CR1: variants seen among roughly 807,000 people sequenced by gnomAD.
CR1 encodes the protein complement receptor type 1.
CR1 carries 116 observed loss-of-function variants against 187.3 expected under a neutral mutation model. The observed-to-expected ratio is 0.62, with a 90% confidence interval of 0.53 to 0.72. CR1 has a LOEUF of 0.72. CR1 is among the 30% of genes least tolerant of loss of function. The pLI is 0.00. For synonymous variants in CR1, 576 were observed against 747.1 expected (o/e 0.77, Z 3.73); for missense variants, 1,731 against 2,110.7 (o/e 0.82, Z 3.52).
chr1:207,609,741 A>T, intron 37 of CR1, 53 bp downstream of exon 37: 1 of 1,477,082 alleles, frequency 6.8e-7, no homozygotes. Context: ...TATAGATGAT[A>T]GGAGTTGTTG....
chr1:207,515,159 ATACATATATAGG>A (rs1558220711), intron 4 of CR1, among the ~76,000 whole-genome samples: 1 of 67,404 alleles, frequency 1.5e-5, no homozygotes, highest in African/African-American at 4.8e-5. Context: ...ATATATACAT[ATACATATATAGG>A]TATATACATA....
chr1:207,575,433 G>C (rs967516325), intron 27 of CR1, among the ~76,000 whole-genome samples, 162 bp from the exon 28 acceptor site: 14 of 152,142 alleles, frequency 9.2e-5, no homozygotes, highest in Admixed American at 9.2e-4. Flanking sequence ...AATAATGAAA[G>C]AATAAGAAAA....
chr1:207,512,933 G>A (rs1659667937), intron 4 of CR1, among the ~76,000 whole-genome samples: 1 of 152,198 alleles, frequency 6.6e-6, no homozygotes, highest in Admixed American at 6.5e-5. Context: ...AAGGCTAGGG[G>A]AAGATTTACA....
At chr1:207,503,361 A>C (rs1659332988) in intron 1 of CR1, among the ~76,000 whole-genome samples, 1 of 152,226 alleles carries the variant, frequency 6.6e-6, no homozygotes, top group South Asian at 2.1e-4. Flanking sequence ...CTGCTGTAAC[A>C]AATTTCCACA....
In CR1 at chr1:207,589,706, C is replaced by A. The variant is rs112907710; in HGVS notation, c.5810+932C>A. 1.6e-3 allele frequency among the ~76,000 whole-genome samples: 242 copies of A among 152,070 alleles called. 1 individual carries two copies. The highest frequency in any genetic ancestry group is 5.6e-3 in the African/African-American group (232 of 41,454). On this transcript the variant is annotated intron_variant, in intron 35 of 46. Coordinates refer to ENST00000367049, the MANE Select transcript of CR1 (RefSeq NM_000651.6). The stretch of plus-strand genomic sequence containing the variant: ...CATGTTCTAACCCAATGCAAGGAAG[C>A]GAAGAACCTTGAAAAACAGGTTAGA...
At position 207,526,770 on chromosome 1, in the gene CR1, G is replaced by A. The variant is rs1370393511; in HGVS notation, c.904G>A (p.Asp302Asn). 2.0e-6 allele frequency: 3 copies of A among 1,522,100 alleles called. 1 individual carries two copies. In the East Asian group the frequency reaches 7.2e-5, roughly 36 times the overall value. The allele number at this position is 1,522,100 out of a possible 1,614,324, so 94.3% of individuals were successfully genotyped here. A position where few individuals can be genotyped will look rare whatever the true frequency, so the allele number is the denominator to read the frequency against. Residue 302 changes from aspartate (D) to asparagine (N), a missense_variant, in exon 6 of 47, where the codon GAT becomes AAT. By Grantham distance (23) the Asp-to-Asn change is conservative. Coordinates refer to ENST00000367049, the MANE Select transcript of CR1 (RefSeq NM_000651.6). The stretch of plus-strand genomic sequence containing the variant: ...CTCCCCAGTATGTCAGCCACCTCCA[G>A]ATGTCCTGCATGCTGAGCGTACCCA... Reference protein sequence around the residue: ...SCSRVCQPPPDVLHAERTQRD... With the variant: ...SCSRVCQPPPNVLHAERTQRD...
rs1247963049 is a variant in CR1 at position 207,609,311 on chromosome 1, C to T, written c.5918C>T (p.Pro1973Leu). 6 of 1,613,168 alleles carry T rather than the reference C, an allele frequency of 3.7e-6. No homozygotes were observed. The highest frequency in any genetic ancestry group is 3.4e-6 in the Non-Finnish European group (4 of 1,179,296). ...ICEIISCEPP[P>L]TISNGDFYSN... is the part of the protein sequence containing the mutation. ...TCAGTCATATCTTGTGAGCCACCTCCAACCATATCCAATGGAGACTTCTAC... is the reference window on the plus strand; with the variant it reads ...TCAGTCATATCTTGTGAGCCACCTCTAACCATATCCAATGGAGACTTCTAC... The change falls in exon 37 of 47, where the codon CCA becomes CTA. Residue 1973 changes from proline (P) to leucine (L), a missense_variant. By Grantham distance (98) the Pro-to-Leu change is moderately conservative (BLOSUM62 -3). Around this residue, in one of 5 missense-constraint regions of CR1, gnomAD observed 1,312 missense variants for 1,379.6 expected, o/e 0.95. Transcript: ENST00000367049.
At chr1:207,607,196 T>C in intron 35 of CR1, 55 bp from the exon 36 acceptor site, 1 of 1,332,354 alleles carries the variant, frequency 7.5e-7, no homozygotes, top group Non-Finnish European at 1.1e-6. Flanking sequence ...TTCTAAATGG[T>C]GAGTTAAATG....
intron 5 of CR1, among the ~76,000 whole-genome samples, chr1:207,525,952 C>T (rs1367041105): frequency 6.6e-6 from 1 of 152,032 alleles, no homozygotes; most frequent in Non-Finnish European, 1.5e-5. Flanking sequence ...CAAAGACAAA[C>T]CGAAATTATT....
chr1:207,517,746 C>T (rs1483290981), intron 4 of CR1, among the ~76,000 whole-genome samples: 1 of 152,012 alleles, frequency 6.6e-6, no homozygotes, highest in Admixed American at 6.6e-5. Context: ...AAGGAATTTA[C>T]TCATTTTATT....
Position 207,622,979 on chromosome 1 carries a change from G to T in CR1, c.7277-14G>T. On this transcript the variant is annotated splice_polypyrimidine_tract_variant and intron_variant, in intron 44 of 46. Transcript: ENST00000367049. ...TATTTTCCATGCATTTAATTACCTT[G>T]TTTTACTGCCTAGGCACTTTATCTG... The T allele has an allele frequency of 6.5e-7, 1 of 1,548,174 alleles. No individual in the cohort carries two copies. Among genetic ancestry groups the T allele is most frequent in the Non-Finnish European group, 8.8e-7 (1 of 1,138,716 alleles).
chr1:207,592,029 G>A (rs1333810187), intron 35 of CR1, among the ~76,000 whole-genome samples: 2 of 152,120 alleles, frequency 1.3e-5, no homozygotes, highest in South Asian at 4.1e-4. Flanking sequence ...AAGAGGAGCT[G>A]GTACCATTCC....
chr1:207,573,296 G>A (rs1333642272), intron 27 of CR1, among the ~76,000 whole-genome samples: 27 of 152,152 alleles, frequency 1.8e-4, no homozygotes. Flanking sequence ...GGAAGTTTGT[G>A]GTGTCCAGCA....
chr1:207,633,993 C>A (rs1310189046), intron 46 of CR1, among the ~76,000 whole-genome samples: 17 of 152,020 alleles, frequency 1.1e-4, no homozygotes, highest in Admixed American at 1.0e-3. Flanking sequence ...CCAGGATGAG[C>A]CAGGAAAAGG....
At chr1:207,627,111 T>A (rs1455298528) in intron 45 of CR1, among the ~76,000 whole-genome samples, 3 of 150,980 alleles carry the variant, frequency 2.0e-5, no homozygotes, top group Non-Finnish European at 4.4e-5. Flanking sequence ...ATAGAAGGAA[T>A]ACACACACAG....
intron 35 of CR1, 83 bp from the exon 36 acceptor site, chr1:207,607,168 T>C (rs993792098): frequency 7.2e-5 from 79 of 1,093,216 alleles, no homozygotes; most frequent in Non-Finnish European, 9.6e-5. Flanking sequence ...TAATGTCTAA[T>C]GTCTACCTGC....
intron 35 of CR1, among the ~76,000 whole-genome samples, chr1:207,592,851 A>C (rs892585723): frequency 2.0e-5 from 3 of 152,192 alleles, no homozygotes; most frequent in Non-Finnish European, 2.9e-5. Context: ...AAATTCCTGC[A>C]AAGTGAATAA....
chr1:207,567,922 G>A lies in CR1; in HGVS notation c.4051G>A (p.Asp1351Asn), dbSNP rs571845275. The A allele has an allele frequency of 1.6e-5, 25 of 1,610,536 alleles. No individual in the cohort carries two copies. Among genetic ancestry groups the A allele is most frequent in the East Asian group, 6.7e-5 (3 of 44,870 alleles). The part of the protein sequence containing the change: ...PFGKAVNYTC[D>N]PHPDRGTSFD... ...TGGAAAAGCAGTAAATTACACATGC[G>A]ACCCCCACCCAGACAGAGGGACGAG... Residue 1351 changes from aspartate to asparagine, a missense_variant, in exon 25 of 47, where the codon GAC (aspartate) becomes AAC (asparagine). Around this residue, in one of 5 missense-constraint regions of CR1, gnomAD observed 1,312 missense variants for 1,379.6 expected, o/e 0.95. Coordinates refer to ENST00000367049, the MANE Select transcript of CR1 (RefSeq NM_000651.6).
chr1:207,618,312 C>G, intron 42 of CR1, 65 bp downstream of exon 42: 1 of 1,436,244 alleles, frequency 7.0e-7, no homozygotes, highest in Non-Finnish European at 9.5e-7. Context: ...GCTTGTAAGG[C>G]TGAGAGACAT....
Sources: allele counts gnomAD v4.1 joint callset (sites outside exome capture counted in the v4.1 genomes callset), GRCh38; gene constraint gnomAD v4.1.1; regional missense constraint gnomAD v4.1.1; transcripts MANE v1.5; gene names NCBI Gene and HGNC (gene_info 2026-07-23, HGNC 2026-07-21).